Variants in TENM3 observed in about 807,000 individuals in gnomAD.
The protein encoded by TENM3 is teneurin-3.
TENM3 carries 63 observed loss-of-function variants against 255.1 expected under a neutral mutation model. The ratio of observed to expected loss-of-function variants is 0.25; its 90% CI spans 0.20 to 0.30. TENM3 has a LOEUF of 0.30. TENM3 is among the 10% of genes least tolerant of loss of function. The pLI, the probability that TENM3 is intolerant of heterozygous loss-of-function variation, is 1.00. For missense variants in TENM3, 2,929 were observed against 3,461.1 expected, an observed-to-expected ratio of 0.85 and a Z score of 3.86; for synonymous variants, 1,306 against 1,322.3, an observed-to-expected ratio of 0.99 and a Z score of 0.27.
chr4:181,871,606 G>A, the TENM3 span, among the ~76,000 whole-genome samples: 4 of 152,044 alleles, frequency 2.6e-5, no homozygotes, highest in East Asian at 3.9e-4. Context: ...GAATAGAAGC[G>A]GTGAGAACAA....
the TENM3 span, among the ~76,000 whole-genome samples, chr4:182,052,547 C>T: frequency 3.3e-5 from 5 of 152,144 alleles, no homozygotes; most frequent in East Asian, 1.9e-4. Flanking sequence ...CCTTTTCCCT[C>T]GTTTTCATAG....
At chr4:182,361,611 A>G (rs1418890350) in intron 3 of TENM3, among the ~76,000 whole-genome samples, 2 of 151,660 alleles carry the variant, frequency 1.3e-5, no homozygotes, top group African/African-American at 2.4e-5. Flanking sequence ...TATTCTAGTT[A>G]TACATTCGTC....
At chr4:181,518,978 A>G in the TENM3 span, among the ~76,000 whole-genome samples, 30 of 152,236 alleles carry the variant, frequency 2.0e-4, no homozygotes, top group Non-Finnish European at 3.4e-4. Context: ...TACAAGGTTT[A>G]GCAGGGAGAT....
chr4:181,570,361 C>T, the TENM3 span, among the ~76,000 whole-genome samples: 10 of 151,946 alleles, frequency 6.6e-5, no homozygotes, highest in South Asian at 1.0e-3. Context: ...CGTATCCAGG[C>T]GTGGTGGTGC....
In TENM3 at chr4:182,730,880, T is replaced by G; in HGVS notation, c.2708T>G (p.Phe903Cys). 2 of 1,613,716 alleles carry G rather than the reference T, an allele frequency of 1.2e-6. No homozygotes were observed. Among genetic ancestry groups the G allele is most frequent in the Non-Finnish European group, 1.7e-6 (2 of 1,179,642 alleles). ...GYTITRQDGM[F>C]DLVANGGASL... ...AAGCATACCTTGTTCTTTCTTAGGT[T>G]TGACTTGGTGGCAAATGGTGGGGCC... Residue 903 changes from phenylalanine (F) to cysteine (C), a missense_variant and splice_region_variant, in exon 16 of 28, where the codon TTT becomes TGT. By Grantham distance (205) the Phe-to-Cys change is radical (BLOSUM62 -2). Around this residue, in one of 6 missense-constraint regions of TENM3, gnomAD observed 1,608 missense variants for 1,884.4 expected, o/e 0.85. Coordinates refer to ENST00000511685, the MANE Select transcript of TENM3 (RefSeq NM_001080477.4).
At chr4:182,288,271 A>G (rs1013934484) in intron 1 of TENM3, among the ~76,000 whole-genome samples, 14 of 151,124 alleles carry the variant, frequency 9.3e-5, no homozygotes, top group Non-Finnish European at 1.9e-4. Flanking sequence ...GGGTCTCTCT[A>G]TGTTGTCACA....
intron 1 of TENM3, among the ~76,000 whole-genome samples, chr4:182,253,430 A>G (rs1758169672): frequency 1.3e-5 from 2 of 152,164 alleles, no homozygotes; most frequent in East Asian, 3.9e-4. Flanking sequence ...CTGAGATCGC[A>G]CCACTGCACT....
intron 4 of TENM3, among the ~76,000 whole-genome samples, chr4:182,612,347 A>G (rs1235155430): frequency 2.6e-5 from 4 of 152,166 alleles, no homozygotes; most frequent in African/African-American, 9.6e-5. Context: ...GTATTTACTT[A>G]AACACACACA....
At chr4:182,260,533 A>C (rs565796016) in intron 1 of TENM3, among the ~76,000 whole-genome samples, 1 of 152,346 alleles carries the variant, frequency 6.6e-6, no homozygotes, top group African/African-American at 2.4e-5. Flanking sequence ...ACTTAGATAT[A>C]ATAAGAATTA....
At chr4:182,261,027 C>T (rs181052466) in intron 1 of TENM3, among the ~76,000 whole-genome samples, 1 of 152,160 alleles carries the variant, frequency 6.6e-6, no homozygotes, top group African/African-American at 2.4e-5. Context: ...AGGTGCGCAC[C>T]AGCACGCCCA....
intron 3 of TENM3, among the ~76,000 whole-genome samples, chr4:182,549,335 C>A (rs1268266116): frequency 6.6e-6 from 1 of 152,134 alleles, no homozygotes; most frequent in Non-Finnish European, 1.5e-5. Flanking sequence ...ATTTTCTTTT[C>A]GTTCCTTTCC....
the TENM3 span, among the ~76,000 whole-genome samples, chr4:181,616,837 A>G: frequency 6.6e-6 from 1 of 152,180 alleles, no homozygotes; most frequent in Non-Finnish European, 1.5e-5. Context: ...AGCTGTTTGC[A>G]TGGTGCCCAC....
chr4:181,530,235 AG>A, the TENM3 span, among the ~76,000 whole-genome samples: 1 of 152,244 alleles, frequency 6.6e-6, no homozygotes, highest in Non-Finnish European at 1.5e-5. Flanking sequence ...CCCTACATAC[AG>A]GGTAATAAAT....
chr4:182,244,432 C>T (rs1757515410), intron 1 of TENM3, among the ~76,000 whole-genome samples: 1 of 152,226 alleles, frequency 6.6e-6, no homozygotes, highest in South Asian at 2.1e-4. Flanking sequence ...TTGACAGCTA[C>T]TTCTGATGAG....
chr4:182,784,916 C>T (rs1193572237), intron 24 of TENM3, among the ~76,000 whole-genome samples: 5 of 152,122 alleles, frequency 3.3e-5, no homozygotes, highest in Admixed American at 6.5e-5. Flanking sequence ...CTTCGGCTCG[C>T]GCACGGTGCG....
At chr4:182,660,315 G>T (rs1233932985) in intron 6 of TENM3, among the ~76,000 whole-genome samples, 1 of 152,128 alleles carries the variant, frequency 6.6e-6, no homozygotes, top group Non-Finnish European at 1.5e-5. Context: ...TAAAGTATAC[G>T]AAGGGCCATG....
At chr4:181,557,668 C>T in the TENM3 span, among the ~76,000 whole-genome samples, 16 of 148,610 alleles carry the variant, frequency 1.1e-4, no homozygotes, top group South Asian at 2.1e-4. Context: ...CTGGGACTAC[C>T]GGTGCCTGCC....
intron 3 of TENM3, among the ~76,000 whole-genome samples, chr4:182,537,239 G>T (rs914521973): frequency 6.6e-6 from 1 of 152,034 alleles, no homozygotes; most frequent in African/African-American, 2.4e-5. Flanking sequence ...CAGTGTCATT[G>T]GTGGTTTCTT....
chr4:181,710,236 A>T, the TENM3 span, among the ~76,000 whole-genome samples: 1 of 152,186 alleles, frequency 6.6e-6, no homozygotes, highest in Non-Finnish European at 1.5e-5. Context: ...GAATAAAACA[A>T]GAGCCATTAA....
Sources: gnomAD v4.1 joint callset for allele counts (sites outside exome capture counted in the v4.1 genomes callset) on GRCh38, gnomAD v4.1.1 for gene constraint, gnomAD v4.1.1 regional missense constraint, MANE v1.5 for transcripts, NCBI Gene and HGNC (gene_info 2026-07-23, HGNC 2026-07-21) for gene names.